Variants in RNASET2 observed in about 807,000 individuals in gnomAD.
RNASET2 encodes ribonuclease 6.
In RNASET2, 28 loss-of-function variants were observed where a neutral mutation model predicts 33.9. The ratio of observed to expected loss-of-function variants is 0.83; its 90% CI spans 0.61 to 1.13. RNASET2 has a LOEUF of 1.13. Among genes scored for constraint, RNASET2 ranks in the 50% most tolerant of loss-of-function variants. RNASET2 has a pLI of 0.00. For synonymous variants in RNASET2, 123 were observed against 121.0 expected (o/e 1.02, Z -0.11); for missense variants, 330 against 319.9 (o/e 1.03, Z -0.24).
At chr6:166,944,272 C>T (rs1463604878) in intron 4 of RNASET2, among the ~76,000 whole-genome samples, 1 of 152,156 alleles carries the variant, frequency 6.6e-6, no homozygotes, top group Non-Finnish European at 1.5e-5. Context: ...TATTTCTACA[C>T]ACCCTCTACA....
intron 5 of RNASET2, among the ~76,000 whole-genome samples, chr6:166,939,374 C>G (rs1055981855): frequency 6.6e-6 from 1 of 152,130 alleles, no homozygotes; most frequent in African/African-American, 2.4e-5. Flanking sequence ...AATGCTCAAG[C>G]ATGTTTTCTC....
chr6:166,944,630 G>T (rs547419695), intron 4 of RNASET2, among the ~76,000 whole-genome samples: 1 of 152,124 alleles, frequency 6.6e-6, no homozygotes, highest in East Asian at 1.9e-4. Flanking sequence ...AGGAAGCCAG[G>T]ACTACTCTGA....
chr6:166,954,915 C>A (rs548357590), intron 1 of RNASET2, among the ~76,000 whole-genome samples: 4 of 152,086 alleles, frequency 2.6e-5, no homozygotes, highest in East Asian at 1.9e-4. Flanking sequence ...CGCTTGAACC[C>A]GGGAGGTGGA....
chr6:166,935,443 G>C (rs1197879008), intron 6 of RNASET2, among the ~76,000 whole-genome samples: 1 of 152,070 alleles, frequency 6.6e-6, no homozygotes, highest in Non-Finnish European at 1.5e-5. Context: ...AAGGGAATAC[G>C]GCAAAGAGAG....
Position 166,923,796 on chromosome 6 carries a change from T to C in RNASET2, c.*5792A>G, listed in dbSNP as rs1315183357. On this transcript the variant is annotated 3_prime_UTR_variant, in exon 9 of 9. Transcript: ENST00000508775. ...TATAGACGCCCAAATACTGACTTCATATCTGTGATTGTATCCTGGTAATTT... is the reference window on the plus strand; with the variant it reads ...TATAGACGCCCAAATACTGACTTCACATCTGTGATTGTATCCTGGTAATTT... Among the ~76,000 whole-genome samples the C allele has an allele frequency of 6.6e-6, 1 of 152,244 alleles. No homozygotes were observed. Among genetic ancestry groups the C allele is most frequent in the Non-Finnish European group, 1.5e-5 (1 of 68,034 alleles).
At chr6:166,946,355 G>A (rs972918502) in intron 4 of RNASET2, among the ~76,000 whole-genome samples, 9 of 148,960 alleles carry the variant, frequency 6.0e-5, no homozygotes, top group East Asian at 2.0e-4. Flanking sequence ...GGCCTGGGAC[G>A]AGGCGGGGCT....
At chr6:166,955,281 GACACACACGCACAGA>G (rs1779106571) in intron 1 of RNASET2, among the ~76,000 whole-genome samples, 33 of 70,808 alleles carry the variant, frequency 4.7e-4, no homozygotes, top group East Asian at 1.0e-3. Flanking sequence ...GCGCACACAC[GACACACACGCACAGA>G]CGCGCACACA....
chr6:166,937,752 T>C (rs1432019498), intron 6 of RNASET2, among the ~76,000 whole-genome samples: 3 of 152,198 alleles, frequency 2.0e-5, no homozygotes, highest in African/African-American at 4.8e-5. Flanking sequence ...AACTAGTTAG[T>C]GTCAGAACCA....
At chr6:166,940,028 C>A (rs1778659221) in intron 5 of RNASET2, among the ~76,000 whole-genome samples, 1 of 152,244 alleles carries the variant, frequency 6.6e-6, no homozygotes, top group Non-Finnish European at 1.5e-5. Context: ...GAAGGTCACT[C>A]AGAGCCTGCC....
chr6:166,956,112 G>A lies in RNASET2; in HGVS notation c.71C>T (p.Ala24Val), dbSNP rs761630857. The A allele has an allele frequency of 1.3e-6, 2 of 1,552,136 alleles. No individual in the cohort carries two copies. Among genetic ancestry groups the A allele is most frequent in the African/African-American group, 2.7e-5 (2 of 73,062 alleles). ...GGTAACTCACCGCAGGCGCTTGTCCGCACCGCCCAGGCAAAGCAACGCCAG... is the reference window on the plus strand; with the variant it reads ...GGTAACTCACCGCAGGCGCTTGTCCACACCGCCCAGGCAAAGCAACGCCAG... ...LCLALLCLGGADKRLRDNHEW... is the reference protein window; with the variant it reads ...LCLALLCLGGVDKRLRDNHEW... The change falls in exon 1 of 9, where the codon GCG (alanine) becomes GTG (valine). Residue 24 changes from alanine (A) to valine (V), a missense_variant. Ala to Val is a moderately conservative substitution (Grantham distance 64, BLOSUM62 0). Transcript: ENST00000508775.
intron 5 of RNASET2, among the ~76,000 whole-genome samples, chr6:166,942,233 A>G (rs1778709954): frequency 6.6e-6 from 1 of 151,822 alleles, no homozygotes; most frequent in African/African-American, 2.4e-5. Context: ...TTGTATTTTT[A>G]GTAGAGATGG....
chr6:166,944,633 T>C lies in RNASET2; in HGVS notation c.262-1544A>G, dbSNP rs3734247. On this transcript the variant is annotated intron_variant, in intron 4 of 8. Transcript: ENST00000508775. Reference sequence around the variant, plus strand: ...TGCTACACAACAAGGAAGCCAGGACTACTCTGAGGAGCAGCGGCTCACACC... The same window carrying C: ...TGCTACACAACAAGGAAGCCAGGACCACTCTGAGGAGCAGCGGCTCACACC... Among the ~76,000 whole-genome samples the C allele has an allele frequency of 4.7e-3, 716 of 152,192 alleles. 22 individuals carry two copies. The highest frequency in any genetic ancestry group is 0.038 in the Admixed American group (575 of 15,288).
intron 6 of RNASET2, among the ~76,000 whole-genome samples, chr6:166,935,251 T>A (rs1778538612): frequency 6.6e-6 from 1 of 152,214 alleles, no homozygotes; most frequent in Admixed American, 6.5e-5. Context: ...ATTAATTTTT[T>A]AATATTTATC....
rs149922066 is a variant in RNASET2, at chr6:166,929,662, C to T, written c.697G>A (p.Ala233Thr). Residue 233 changes from alanine (A) to threonine (T), a missense_variant, in exon 9 of 9, where the codon GCC becomes ACC. Physicochemically the swap from Ala to Thr is moderately conservative, Grantham distance 58. Transcript: ENST00000508775. ...KQEVWLANGA[A>T]ESRGLRVCED... ...CAGACTCTCAGACCCCGGCTCTCGGCGGCCCCATTTGCCAGCCAGACTTCC... is the reference window on the plus strand; with the variant it reads ...CAGACTCTCAGACCCCGGCTCTCGGTGGCCCCATTTGCCAGCCAGACTTCC... 1,578 of 1,614,092 alleles carry T rather than the reference C, an allele frequency of 9.8e-4. 14 individuals carry two copies. In the African/African-American group the frequency reaches 0.019, roughly 19 times the overall value.
Position 166,929,358 on chromosome 6 carries a change from A to C in RNASET2, c.*230T>G. 1 of 583,304 alleles carries C rather than the reference A, an allele frequency of 1.7e-6. No individual in the cohort carries two copies. Among genetic ancestry groups the C allele is most frequent in the Non-Finnish European group, 3.0e-6 (1 of 329,352 alleles). 36.1% of individuals were successfully genotyped at this position (583,304 alleles called of 1,614,324 possible). ...GAGTTTAATAGAGAAAAAAAAAAAC[A>C]ATCTGTGAGCTTTATCCCAAGCACA... On this transcript the variant is annotated 3_prime_UTR_variant, in exon 9 of 9. Transcript: ENST00000508775.
chr6:166,952,361 C>T lies in RNASET2; in HGVS notation c.147+127G>A, dbSNP rs987475711. The T allele has an allele frequency of 4.6e-5, 39 of 842,102 alleles. No homozygotes were observed. In the East Asian group the frequency reaches 9.4e-4, roughly 20 times the overall value. 52.2% of individuals were successfully genotyped at this position (842,102 alleles called of 1,614,324 possible). On this transcript the variant is annotated intron_variant, in intron 2 of 8. Transcript: ENST00000508775. ...GAGGCAGTCTCTGCAGGAGACACCG[C>T]CCACCCGCCAGAGCGATGCCTACCT... is the stretch of plus-strand genomic sequence containing the variant.
intron 5 of RNASET2, 53 bp downstream of exon 5, chr6:166,942,966 C>A: frequency 6.9e-7 from 1 of 1,448,004 alleles, no homozygotes; most frequent in South Asian, 1.2e-5. Flanking sequence ...TCATCACGCT[C>A]CCCACACCCG....
At chr6:166,931,311 T>A (rs1281605065) in intron 7 of RNASET2, 193 bp from the exon 8 acceptor site, 2 of 617,016 alleles carry the variant, frequency 3.2e-6, no homozygotes, top group Middle Eastern at 8.6e-4. Flanking sequence ...CTGGGCTTCA[T>A]CCCCAGACCA....
intron 6 of RNASET2, among the ~76,000 whole-genome samples, chr6:166,935,377 C>G (rs1427722858): frequency 1.3e-5 from 2 of 152,136 alleles, no homozygotes; most frequent in Non-Finnish European, 2.9e-5. Context: ...TTTAAAATGA[C>G]ATCTGTGGCT....
Sources: gnomAD v4.1 joint callset for allele counts (sites outside exome capture counted in the v4.1 genomes callset) on GRCh38, gnomAD v4.1.1 for gene constraint, MANE v1.5 for transcripts, NCBI Gene and HGNC (gene_info 2026-07-23, HGNC 2026-07-21) for gene names.